The following PCDH9 variants were observed in gnomAD, a reference collection of about 807,000 sequenced individuals.
PCDH9 encodes protocadherin 9.
In PCDH9, 24 loss-of-function variants were observed where a neutral mutation model predicts 70.6. The ratio of observed to expected loss-of-function variants is 0.34; its 90% confidence interval spans 0.25 to 0.48. The LOEUF (loss-of-function observed/expected upper bound fraction) is 0.48. Ranked by LOEUF, PCDH9 falls within the 20% of genes least tolerant of loss-of-function variation. The pLI, the probability that PCDH9 is intolerant of heterozygous loss-of-function variation, is 0.99. For missense variants in PCDH9, 1,281 were observed against 1,503.6 expected (o/e 0.85, Z 2.45); for synonymous variants, 562 against 558.5 (o/e 1.01, Z -0.09).
chr13:66,612,801 G>A (rs1209894508), intron 4 of PCDH9, among the ~76,000 whole-genome samples: 1 of 151,944 alleles, frequency 6.6e-6, no homozygotes, highest in African/African-American at 2.4e-5. Context: ...CAGGGACTCT[G>A]GCCTGTTGAG....
chr13:66,553,675 A>G (rs1348729882), intron 4 of PCDH9, among the ~76,000 whole-genome samples: 1 of 152,188 alleles, frequency 6.6e-6, no homozygotes, highest in African/African-American at 2.4e-5. Context: ...AAATTTACAG[A>G]ACTCCACAGA....
In PCDH9 at chr13:67,166,094, A is replaced by G. The variant is rs117457406; in HGVS notation, c.3036+59311T>C. On this transcript the variant is annotated intron_variant, in intron 2 of 4. Coordinates refer to ENST00000377865, the MANE Select transcript of PCDH9 (RefSeq NM_203487.3). ...TGAATGGTTAGGATCATGCTTTGCA[A>G]TGGATTCCTTTGGATTTTCCTATCA... 4.1e-3 allele frequency among the ~76,000 whole-genome samples: 632 copies of G among 152,292 alleles called. 4 individuals carry two copies. Among genetic ancestry groups the G allele is most frequent in the Non-Finnish European group, 5.3e-3 (360 of 68,004 alleles).
At chr13:66,358,323 C>G (rs1956417899) in intron 4 of PCDH9, among the ~76,000 whole-genome samples, 1 of 151,778 alleles carries the variant, frequency 6.6e-6, no homozygotes, top group Non-Finnish European at 1.5e-5. Flanking sequence ...ATTTATTACT[C>G]TTTCTTTAAA....
intron 2 of PCDH9, among the ~76,000 whole-genome samples, chr13:66,928,576 G>A (rs1422651411): frequency 6.6e-6 from 1 of 152,066 alleles, no homozygotes; most frequent in East Asian, 1.9e-4. Context: ...CCCATTGGGA[G>A]GTGATTAGGT....
intron 4 of PCDH9, among the ~76,000 whole-genome samples, chr13:66,347,367 C>G (rs539123102): frequency 2.0e-4 from 30 of 152,074 alleles, no homozygotes; most frequent in African/African-American, 6.7e-4. Context: ...ATTCAGTGTA[C>G]TTAAAATGTA....
intron 3 of PCDH9, among the ~76,000 whole-genome samples, chr13:66,770,373 A>T (rs916540992): frequency 7.9e-5 from 12 of 152,158 alleles, no homozygotes; most frequent in African/African-American, 2.9e-4. Flanking sequence ...AAAAAACAGG[A>T]TAGGTTTACT....
At chr13:66,788,784 T>C (rs565721187) in intron 3 of PCDH9, among the ~76,000 whole-genome samples, 7 of 151,978 alleles carry the variant, frequency 4.6e-5, no homozygotes, top group Non-Finnish European at 8.8e-5. Context: ...CACAGCAGTA[T>C]TGTAAAAATC....
intron 4 of PCDH9, among the ~76,000 whole-genome samples, chr13:66,513,230 GC>G: frequency 7.2e-6 from 1 of 138,864 alleles, no homozygotes; most frequent in East Asian, 2.1e-4. Flanking sequence ...CACTTTATAT[GC>G]CAGGGTGAAT....
At chr13:67,164,574 CAAAAA>C (rs56207174) in intron 2 of PCDH9, among the ~76,000 whole-genome samples, 19 of 137,134 alleles carry the variant, frequency 1.4e-4, no homozygotes, top group African/African-American at 1.6e-4. Flanking sequence ...ACTCCATCTC[CAAAAA>C]AAAAAAAAAA....
intron 3 of PCDH9, among the ~76,000 whole-genome samples, chr13:66,850,805 A>G (rs984771103): frequency 2.2e-4 from 34 of 152,206 alleles, no homozygotes; most frequent in African/African-American, 8.0e-4. Flanking sequence ...AAACAAAGGA[A>G]TCAATCTTTG....
intron 2 of PCDH9, among the ~76,000 whole-genome samples, chr13:67,157,335 G>A (rs1376326693): frequency 6.6e-6 from 1 of 152,026 alleles, no homozygotes; most frequent in Non-Finnish European, 1.5e-5. Flanking sequence ...TTGGCAACTG[G>A]ATTTTCTTAT....
chr13:66,561,952 C>G (rs1962065059), intron 4 of PCDH9, among the ~76,000 whole-genome samples: 1 of 152,066 alleles, frequency 6.6e-6, no homozygotes, highest in Non-Finnish European at 1.5e-5. Context: ...TCCACACTGC[C>G]TTTATGAGCT....
chr13:66,442,330 C>T (rs116222776), intron 4 of PCDH9, among the ~76,000 whole-genome samples: 2 of 152,116 alleles, frequency 1.3e-5, no homozygotes, highest in African/African-American at 2.4e-5. Context: ...ATCACATACT[C>T]TGGTCTTTCA....
chr13:66,612,069 C>G (rs1343391928), intron 4 of PCDH9, among the ~76,000 whole-genome samples: 1 of 152,184 alleles, frequency 6.6e-6, no homozygotes, highest in Non-Finnish European at 1.5e-5. Flanking sequence ...GTTTTAGAAA[C>G]AAATTTAGTC....
chr13:66,529,498 C>T (rs897191992), intron 4 of PCDH9, among the ~76,000 whole-genome samples: 1 of 151,980 alleles, frequency 6.6e-6, no homozygotes, highest in Non-Finnish European at 1.5e-5. Context: ...GTTTGTGTAT[C>T]GGTAGAGTCA....
chr13:66,355,301 T>C (rs1009817951), intron 4 of PCDH9, among the ~76,000 whole-genome samples: 2 of 152,090 alleles, frequency 1.3e-5, no homozygotes, highest in African/African-American at 4.8e-5. Context: ...GTCACAGACA[T>C]GCGCATACTG....
intron 2 of PCDH9, among the ~76,000 whole-genome samples, chr13:67,064,276 A>C (rs2085597459): frequency 6.6e-6 from 1 of 151,574 alleles, no homozygotes; most frequent in South Asian, 2.1e-4. Context: ...TTCTCAGAAA[A>C]TTCTCTAGAT....
chr13:67,091,786 G>A (rs774554375), intron 2 of PCDH9, among the ~76,000 whole-genome samples: 5 of 151,968 alleles, frequency 3.3e-5, no homozygotes, highest in Non-Finnish European at 7.4e-5. Context: ...ATAGTTCCTC[G>A]GTCATGTCAT....
chr13:67,097,053 G>A (rs1402549143), intron 2 of PCDH9, among the ~76,000 whole-genome samples: 1 of 150,136 alleles, frequency 6.7e-6, no homozygotes, highest in East Asian at 2.0e-4. Context: ...TTTGAGACCA[G>A]CCTGCACAAT....
Sources: allele counts gnomAD v4.1 joint callset (sites outside exome capture counted in the v4.1 genomes callset), GRCh38; gene constraint gnomAD v4.1.1; transcripts MANE v1.5; gene names NCBI Gene and HGNC (gene_info 2026-07-23, HGNC 2026-07-21).